Variants in GRM7 observed in about 807,000 individuals in gnomAD.
GRM7 encodes the protein metabotropic glutamate receptor 7.
Under a neutral mutation model 84.5 loss-of-function variants are expected in GRM7, and 35 were observed. The observed-to-expected ratio is 0.41, with a 90% CI of 0.32 to 0.55. GRM7 has a LOEUF of 0.55. Among genes scored for constraint, GRM7 ranks in the 20% least tolerant of loss-of-function variants. The probability of loss-of-function intolerance (pLI) is 0.19; values close to 1 mark genes in which losing one functional copy is unlikely to be tolerated. For synonymous variants in GRM7, 487 were observed against 455.1 expected (o/e 1.07, Z -0.89); for missense variants, 1,003 against 1,194.6 (o/e 0.84, Z 2.36).
chr3:6,918,133 G>A (rs1470121774), intron 1 of GRM7, among the ~76,000 whole-genome samples: 4 of 152,076 alleles, frequency 2.6e-5, no homozygotes, highest in South Asian at 2.1e-4. Context: ...GGTAAAACAA[G>A]TCCTGTCAAC....
In GRM7 at chr3:7,148,358, C is replaced by T. The variant is rs115355534; in HGVS notation, c.736+1690C>T. Reference sequence around the variant, plus strand: ...AAAATAGTAAGATAAAGCTTAGAGACAAAGGGCAGATGCCAGTTTGCACTA... The same window carrying T: ...AAAATAGTAAGATAAAGCTTAGAGATAAAGGGCAGATGCCAGTTTGCACTA... On this transcript the variant is annotated intron_variant, in intron 2 of 9. Coordinates refer to ENST00000357716, the MANE Select transcript of GRM7 (RefSeq NM_000844.4). Among the ~76,000 whole-genome samples the T allele has an allele frequency of 3.2e-3, 482 of 152,236 alleles. 3 individuals carry two copies. Among genetic ancestry groups the T allele is most frequent in the African/African-American group, 0.011 (451 of 41,556 alleles).
intron 1 of GRM7, among the ~76,000 whole-genome samples, chr3:7,078,080 T>C (rs772599183): frequency 1.3e-5 from 2 of 152,204 alleles, no homozygotes; most frequent in Non-Finnish European, 2.9e-5. Context: ...GTTTCAGTGC[T>C]GCCTGCAGGC....
chr3:7,560,754 C>T (rs1693983133), intron 7 of GRM7, among the ~76,000 whole-genome samples: 1 of 152,160 alleles, frequency 6.6e-6, no homozygotes, highest in Non-Finnish European at 1.5e-5. Flanking sequence ...GCTTAAGAAT[C>T]ACCTTTGCTA....
At chr3:7,436,398 T>C (rs1252892600) in intron 5 of GRM7, among the ~76,000 whole-genome samples, 1 of 152,182 alleles carries the variant, frequency 6.6e-6, no homozygotes, top group Non-Finnish European at 1.5e-5. Flanking sequence ...CCTTCTTTTC[T>C]TTTTCTTCTA....
chr3:7,275,024 C>A (rs1163548892), intron 2 of GRM7, among the ~76,000 whole-genome samples: 1 of 152,104 alleles, frequency 6.6e-6, no homozygotes, highest in Non-Finnish European at 1.5e-5. Context: ...TTGGAAGTCT[C>A]TATTGAGATA....
chr3:7,353,520 C>G (rs1024081314), intron 4 of GRM7, among the ~76,000 whole-genome samples: 1 of 152,036 alleles, frequency 6.6e-6, no homozygotes, highest in African/African-American at 2.4e-5. Context: ...GATGCCTGAT[C>G]TCCCTTGGTT....
At chr3:7,470,344 G>A (rs556283589) in intron 7 of GRM7, among the ~76,000 whole-genome samples, 67 of 152,270 alleles carry the variant, frequency 4.4e-4, no homozygotes, top group African/African-American at 1.5e-3. Context: ...TCTTAAAAGG[G>A]TTGATAAATG....
chr3:7,256,543 A>G (rs1401832700), intron 2 of GRM7, among the ~76,000 whole-genome samples: 2 of 152,168 alleles, frequency 1.3e-5, no homozygotes, highest in Non-Finnish European at 2.9e-5. Flanking sequence ...GGGAGTTGTT[A>G]TAGTGAAGGA....
At chr3:7,712,939 G>A (rs1346972322) in intron 9 of GRM7, among the ~76,000 whole-genome samples, 1 of 151,784 alleles carries the variant, frequency 6.6e-6, no homozygotes. Context: ...CTTCATTCAT[G>A]TGGCCTTCCC....
chr3:6,877,203 A>G (rs998371154), intron 1 of GRM7, among the ~76,000 whole-genome samples: 3 of 152,202 alleles, frequency 2.0e-5, no homozygotes, highest in African/African-American at 7.2e-5. Context: ...AACTTCCCAC[A>G]GCAGGCAGAG....
In GRM7 at chr3:7,483,036, A is replaced by G. The variant is rs898278155; in HGVS notation, c.1515+21314A>G. On this transcript the variant is annotated intron_variant, in intron 7 of 9. Coordinates refer to ENST00000357716, the MANE Select transcript of GRM7 (RefSeq NM_000844.4). ...GTTTTTCTGGAATTCCCGTTTTGCAAATAAGGAAAGAAGTAACAAGAGGTG... is the reference window on the plus strand; with the variant it reads ...GTTTTTCTGGAATTCCCGTTTTGCAGATAAGGAAAGAAGTAACAAGAGGTG... 3.9e-5 allele frequency among the ~76,000 whole-genome samples: 6 copies of G among 152,138 alleles called. No individual in the cohort carries two copies. The East Asian group carries it at 5.8e-4, about 15-fold the overall frequency.
intron 7 of GRM7, among the ~76,000 whole-genome samples, chr3:7,467,364 G>A (rs886282844): frequency 6.6e-6 from 1 of 152,192 alleles, no homozygotes; most frequent in African/African-American, 2.4e-5. Flanking sequence ...TGGGATTACA[G>A]GCGTGAGCCA....
chr3:7,001,000 T>C (rs1008502682), intron 1 of GRM7, among the ~76,000 whole-genome samples: 1 of 152,192 alleles, frequency 6.6e-6, no homozygotes, highest in Non-Finnish European at 1.5e-5. Flanking sequence ...TATTGCCAAT[T>C]GGAGGGTTAC....
chr3:7,232,923 TGTA>T (rs1430732135), intron 2 of GRM7, among the ~76,000 whole-genome samples: 1 of 152,122 alleles, frequency 6.6e-6, no homozygotes, highest in Non-Finnish European at 1.5e-5. Flanking sequence ...GTTAATGAAA[TGTA>T]GACTTATGGG....
At position 7,542,510 on chromosome 3, in the gene GRM7, C is replaced by T. The variant is rs529392272; in HGVS notation, c.1516-35912C>T. Among the ~76,000 whole-genome samples the T allele has an allele frequency of 1.6e-3, 236 of 151,250 alleles. 1 individual carries two copies. The highest frequency in any genetic ancestry group is 2.4e-3 in the Non-Finnish European group (163 of 67,870). Reference sequence around the variant, plus strand: ...TAAGCATGTCTTTATTCTACTTTTTCATTCTTTTTCTTTTTAATTCCCTGA... The same window carrying T: ...TAAGCATGTCTTTATTCTACTTTTTTATTCTTTTTCTTTTTAATTCCCTGA... On this transcript the variant is annotated intron_variant, in intron 7 of 9. Coordinates refer to ENST00000357716, the MANE Select transcript of GRM7 (RefSeq NM_000844.4).
chr3:6,891,607 T>C (rs1695950279), intron 1 of GRM7, among the ~76,000 whole-genome samples: 1 of 152,338 alleles, frequency 6.6e-6, no homozygotes, highest in Non-Finnish European at 1.5e-5. Flanking sequence ...GATCCACTGT[T>C]AGTCTGATGG....
At chr3:7,482,060 C>T (rs559065923) in intron 7 of GRM7, among the ~76,000 whole-genome samples, 3 of 152,062 alleles carry the variant, frequency 2.0e-5, no homozygotes, top group Non-Finnish European at 4.4e-5. Context: ...TGGTTGTGGA[C>T]ACCTGTAGTC....
intron 9 of GRM7, among the ~76,000 whole-genome samples, chr3:7,716,295 C>A (rs958485622): frequency 6.6e-6 from 1 of 152,208 alleles, no homozygotes; most frequent in Non-Finnish European, 1.5e-5. Context: ...CAATTCCCCA[C>A]ACTCGTTCCA....
At position 6,975,493 on chromosome 3, in the gene GRM7, C is replaced by G. The variant is rs575822906; in HGVS notation, c.519+113586C>G. On this transcript the variant is annotated intron_variant, in intron 1 of 9. Transcript: ENST00000357716. The stretch of plus-strand genomic sequence containing the variant: ...ATTTACTTGTCTTTTAGGAATTAGA[C>G]AAAATCAGGGCATGCACATTTATTT... Among the ~76,000 whole-genome samples, 6 of 152,214 alleles carry G rather than the reference C, an allele frequency of 3.9e-5. No homozygotes were observed. The South Asian group carries it at 1.2e-3, about 32-fold the overall frequency.
Sources: gnomAD v4.1 joint callset for allele counts (sites outside exome capture counted in the v4.1 genomes callset) on GRCh38, gnomAD v4.1.1 for gene constraint, MANE v1.5 for transcripts, NCBI Gene and HGNC (gene_info 2026-07-23, HGNC 2026-07-21) for gene names.